The following SVEP1 variants were observed in gnomAD, a reference collection of about 807,000 sequenced individuals.
The protein encoded by SVEP1 is sushi, von Willebrand factor type A, EGF and pentraxin domain-containing protein 1.
SVEP1 carries 164 observed loss-of-function variants against 367.3 expected under a neutral mutation model. That is an observed-to-expected ratio of 0.45 (90% CI 0.39 to 0.51). The LOEUF (loss-of-function observed/expected upper bound fraction) is 0.51. Ranked by LOEUF, SVEP1 falls within the 20% of genes least tolerant of loss-of-function variation. The pLI is 0.00. For missense variants in SVEP1, 4,117 were observed against 4,425.3 expected (o/e 0.93, Z 1.98); for synonymous variants, 1,666 against 1,611.6 (o/e 1.03, Z -0.81).
rs752379023 is a variant in SVEP1 at position 110,471,519 on chromosome 9, G to A, written c.2843C>T (p.Thr948Ile). ...AGTCCTTTTCAGTTTATTTGTGATAGTTTCCAATGTCTGAAGGAGTCGTTG... is the reference window on the plus strand; with the variant it reads ...AGTCCTTTTCAGTTTATTTGTGATAATTTCCAATGTCTGAAGGAGTCGTTG... ...NQQRLLQTLE[T>I]ITNKLKRTLN... Residue 948 changes from threonine to isoleucine, a missense_variant, in exon 16 of 48, where the codon ACT becomes ATT. By Grantham distance (89) the Thr-to-Ile change is moderately conservative. Coordinates refer to ENST00000374469, the MANE Select transcript of SVEP1 (RefSeq NM_153366.4). 1 of 1,613,910 alleles carries A rather than the reference G, an allele frequency of 6.2e-7. No individual in the cohort carries two copies. Among genetic ancestry groups the A allele is most frequent in the Non-Finnish European group, 8.5e-7 (1 of 1,179,854 alleles).
At chr9:110,460,507 C>T (rs1416531470) in intron 18 of SVEP1, among the ~76,000 whole-genome samples, 1 of 152,142 alleles carries the variant, frequency 6.6e-6, no homozygotes, top group Non-Finnish European at 1.5e-5. Flanking sequence ...AACCCCAGCA[C>T]TTTGGGAAGC....
At chr9:110,404,827 C>G (rs1015351817) in intron 38 of SVEP1, among the ~76,000 whole-genome samples, 1 of 152,102 alleles carries the variant, frequency 6.6e-6, no homozygotes, top group African/African-American at 2.4e-5. Flanking sequence ...GAGCTTGAGA[C>G]TAGGCTGGGA....
chr9:110,403,440 G>T (rs1827900378), intron 39 of SVEP1, among the ~76,000 whole-genome samples: 1 of 151,322 alleles, frequency 6.6e-6, no homozygotes, highest in Admixed American at 6.6e-5. Context: ...GAGTAGCTGG[G>T]ACTATAGGCA....
intron 3 of SVEP1, among the ~76,000 whole-genome samples, chr9:110,538,814 G>T (rs1417598133): frequency 2.0e-5 from 3 of 152,012 alleles, no homozygotes; most frequent in African/African-American, 7.2e-5. Context: ...GGGAAATTCA[G>T]AACAGCTGCA....
chr9:110,551,185 G>A (rs1364058368), intron 1 of SVEP1, among the ~76,000 whole-genome samples: 1 of 152,204 alleles, frequency 6.6e-6, no homozygotes, highest in African/African-American at 2.4e-5. Context: ...GTGAAAAGGA[G>A]ATATTGTGAT....
At position 110,579,687 on chromosome 9, in the gene SVEP1, A is replaced by T; in HGVS notation, c.-144T>A. The stretch of plus-strand genomic sequence containing the variant: ...GAGCCTCAGCGCCCTTTCATCTGAC[A>T]CTGGGGACAGACACAATCCAGACTC... On this transcript the variant is annotated 5_prime_UTR_variant, in exon 1 of 48. Coordinates refer to ENST00000374469, the MANE Select transcript of SVEP1 (RefSeq NM_153366.4). This position sits in a 1 kb window ranked among gnomAD's most constrained non-coding sequence, Gnocchi z 5.3. 1 of 997,008 alleles carries T rather than the reference A, an allele frequency of 1.0e-6. No individual in the cohort carries two copies. Among genetic ancestry groups the T allele is most frequent in the African/African-American group, 1.7e-5 (1 of 57,324 alleles). 61.8% of individuals were successfully genotyped at this position (997,008 alleles called of 1,614,324 possible). A position where few individuals can be genotyped will look rare whatever the true frequency, so the allele number is the denominator to read the frequency against.
intron 3 of SVEP1, among the ~76,000 whole-genome samples, chr9:110,529,190 T>C (rs181293162): frequency 4.2e-4 from 64 of 152,268 alleles, no homozygotes; most frequent in African/African-American, 1.4e-3. Flanking sequence ...TGGTTGTATT[T>C]AGCTTTATTC....
At chr9:110,479,594 C>T (rs1336060956) in intron 13 of SVEP1, 41 bp downstream of exon 13, 13 of 1,558,830 alleles carry the variant, frequency 8.3e-6, no homozygotes, top group South Asian at 1.2e-5. Flanking sequence ...TTATGAAAGC[C>T]TTATAAAAGA....
intron 31 of SVEP1, 83 bp downstream of exon 31, chr9:110,432,379 C>A (rs926162495): frequency 1.1e-5 from 16 of 1,501,272 alleles, no homozygotes; most frequent in Non-Finnish European, 1.3e-5. Flanking sequence ...AAAGCAATGC[C>A]TCAAGAACCT....
chr9:110,393,530 C>A (rs965924973), intron 40 of SVEP1, among the ~76,000 whole-genome samples: 9 of 152,160 alleles, frequency 5.9e-5, no homozygotes, highest in African/African-American at 2.2e-4. Context: ...GGGTGCAGTG[C>A]ACTGTGCACA....
At chr9:110,447,947 A>G (rs536376847) in intron 24 of SVEP1, among the ~76,000 whole-genome samples, 22 of 139,956 alleles carry the variant, frequency 1.6e-4, no homozygotes, top group African/African-American at 5.8e-4. Flanking sequence ...ACTTGAAAAT[A>G]TCATGCTGAG....
At chr9:110,495,520 C>G (rs1243708750) in intron 8 of SVEP1, among the ~76,000 whole-genome samples, 2 of 152,082 alleles carry the variant, frequency 1.3e-5, no homozygotes, top group Non-Finnish European at 2.9e-5. Context: ...CACATTTGCC[C>G]TTTTCAAATC....
chr9:110,469,430 G>A (rs1306345356), intron 16 of SVEP1, among the ~76,000 whole-genome samples: 2 of 152,176 alleles, frequency 1.3e-5, no homozygotes, highest in African/African-American at 2.4e-5. Context: ...AGAAAAAGCT[G>A]ATGGAGAAAA....
In SVEP1 at chr9:110,497,860, C is replaced by T. The variant is rs1266121676; in HGVS notation, c.1682-927G>A. Among the ~76,000 whole-genome samples, 6 of 152,150 alleles carry T rather than the reference C, an allele frequency of 3.9e-5. No individual in the cohort carries two copies. The South Asian group carries it at 8.3e-4, about 21-fold the overall frequency. On this transcript the variant is annotated intron_variant, in intron 7 of 47. Coordinates refer to ENST00000374469, the MANE Select transcript of SVEP1 (RefSeq NM_153366.4). ...GAATTGATCTCATTGTGTCTCACGT[C>T]TTCTTGTTTCTTCAAAATTTAATTC...
intron 1 of SVEP1, among the ~76,000 whole-genome samples, chr9:110,560,771 C>T (rs1056777975): frequency 6.6e-6 from 1 of 152,118 alleles, no homozygotes; most frequent in Non-Finnish European, 1.5e-5. Context: ...ATTTAGTAAC[C>T]ATCCAGATGC....
At chr9:110,375,286 G>A (rs13295461) in intron 46 of SVEP1, 82 bp downstream of exon 46, 2 of 673,800 alleles carry the variant, frequency 3.0e-6, no homozygotes, top group Non-Finnish European at 4.3e-6. Context: ...CACCACTTCT[G>A]AGTCTAAGTC....
intron 47 of SVEP1, among the ~76,000 whole-genome samples, chr9:110,369,032 C>T (rs1005802725): frequency 1.3e-5 from 2 of 151,848 alleles, no homozygotes; most frequent in African/African-American, 4.8e-5. Context: ...ATGGAAATAC[C>T]CATTTGTTTT....
At chr9:110,446,489 C>G (rs1298068050) in intron 25 of SVEP1, among the ~76,000 whole-genome samples, 2 of 152,210 alleles carry the variant, frequency 1.3e-5, no homozygotes, top group Non-Finnish European at 2.9e-5. Flanking sequence ...CAAACCTGCA[C>G]AGACCACTCA....
At position 110,539,317 on chromosome 9, in the gene SVEP1, CTAGAAT is replaced by C. The variant is rs1488817563; in HGVS notation, c.964+6792_964+6797del. 1.1e-4 allele frequency among the ~76,000 whole-genome samples: 16 copies of C among 152,206 alleles called. No individual in the cohort carries two copies. The East Asian group carries it at 2.9e-3, about 28-fold the overall frequency. ...GAAATAGCATACGAGCTGCAGAAAACTAGAATTAGTTCGAGCTTTCAGCTCAAAGAA... is the reference window on the plus strand; with the variant it reads ...GAAATAGCATACGAGCTGCAGAAAACTAGTTCGAGCTTTCAGCTCAAAGAA... On this transcript the variant is annotated intron_variant, in intron 3 of 47. Transcript: ENST00000374469.
Sources: allele counts gnomAD v4.1 joint callset (sites outside exome capture counted in the v4.1 genomes callset), GRCh38; gene constraint gnomAD v4.1.1; non-coding constraint Gnocchi (gnomAD v3.1); transcripts MANE v1.5; gene names NCBI Gene and HGNC (gene_info 2026-07-23, HGNC 2026-07-21).